Variants in MYO1D observed in about 807,000 individuals in gnomAD.
The protein encoded by MYO1D is myosin ID.
In MYO1D, 83 loss-of-function variants were observed where a neutral mutation model predicts 122.0. The ratio of observed to expected loss-of-function variants is 0.68; its 90% confidence interval spans 0.57 to 0.82. The LOEUF (loss-of-function observed/expected upper bound fraction) is 0.82, where lower values mean the gene tolerates loss of function less well. Among genes scored for constraint, MYO1D ranks in the 40% least tolerant of loss-of-function variants. MYO1D has a pLI of 0.00. For missense variants in MYO1D, 1,157 were observed against 1,269.5 expected (o/e 0.91, Z 1.35); for synonymous variants, 464 against 446.9 (o/e 1.04, Z -0.48).
chr17:32,712,340 C>A, intron 15 of MYO1D, 145 bp from the exon 16 acceptor site: 2 of 711,076 alleles, frequency 2.8e-6, no homozygotes, highest in Non-Finnish European at 2.3e-6. Flanking sequence ...ATAAGGTATG[C>A]AAAAAAGGCT....
chr17:32,814,702 G>A (rs2090599383), intron 1 of MYO1D, among the ~76,000 whole-genome samples: 1 of 152,210 alleles, frequency 6.6e-6, no homozygotes, highest in South Asian at 2.1e-4. Context: ...TGGAATTGCT[G>A]TATCATCTAT....
chr17:32,639,360 ATT>A (rs560119328), intron 19 of MYO1D, among the ~76,000 whole-genome samples: 17,419 of 99,780 alleles, frequency 0.17, 1,415 homozygotes, highest in Admixed American at 0.26. Context: ...ATTGGGAGAA[ATT>A]TTGTGTGTGT....
In MYO1D at chr17:32,876,827, G is replaced by T; in HGVS notation, c.46C>A (p.Leu16Met). 9 of 1,525,504 alleles carry T rather than the reference G, an allele frequency of 5.9e-6. No homozygotes were observed. Among genetic ancestry groups the T allele is most frequent in the African/African-American group, 1.4e-5 (1 of 69,440 alleles). 94.5% of individuals were successfully genotyped at this position (1,525,504 alleles called of 1,614,324 possible). A position where few individuals can be genotyped will look rare whatever the true frequency, so the allele number is the denominator to read the frequency against. The change falls in exon 1 of 22, where the codon CTG (leucine) becomes ATG (methionine). Residue 16 changes from leucine (L) to methionine (M), a missense_variant. Physicochemically the swap from Leu to Met is conservative, Grantham distance 15. Coordinates refer to ENST00000318217, the MANE Select transcript of MYO1D (RefSeq NM_015194.3). ...SLEFGKADFV[L>M]MDTVSMPEFM... ...TCGGGCATGGAGACGGTGTCCATCA[G>T]CACGAAGTCTGCCTTGCCGAATTCC...
rs201343122 is a variant in MYO1D at position 32,833,525 on chromosome 17, AGTCACATCAT to A, written c.95+43243_95+43252del. ...GCCGGAGTAATTCCGTTAACATGTA[AGTCACATCAT>A]GCCATTCCTCTGCTCAAACTCTCCA... On this transcript the variant is annotated intron_variant, in intron 1 of 21. Transcript: ENST00000318217. 5.2e-4 allele frequency among the ~76,000 whole-genome samples: 79 copies of A among 152,266 alleles called. No individual in the cohort carries two copies. In the East Asian group the frequency reaches 6.9e-3, roughly 13 times the overall value.
chr17:32,515,928 C>A (rs549784969), intron 21 of MYO1D, among the ~76,000 whole-genome samples: 1 of 152,268 alleles, frequency 6.6e-6, no homozygotes, highest in African/African-American at 2.4e-5. Context: ...TGTCTCATTG[C>A]GGTAAAAGAG....
intron 14 of MYO1D, among the ~76,000 whole-genome samples, chr17:32,731,534 G>GT (rs2089639027): frequency 6.6e-6 from 1 of 152,120 alleles, no homozygotes; most frequent in Non-Finnish European, 1.5e-5. Flanking sequence ...ATAGTATCTT[G>GT]TAGTGATTCT....
chr17:32,655,070 C>T (rs1027105639), intron 17 of MYO1D, among the ~76,000 whole-genome samples: 4 of 152,232 alleles, frequency 2.6e-5, no homozygotes, highest in Non-Finnish European at 5.9e-5. Context: ...CTCCAAAATA[C>T]ACACAGAAGT....
intron 1 of MYO1D, among the ~76,000 whole-genome samples, chr17:32,849,885 T>C (rs2090971506): frequency 6.6e-6 from 1 of 152,200 alleles, no homozygotes; most frequent in Admixed American, 6.5e-5. Context: ...GACTTTTGTG[T>C]CCCTTCTACA....
At chr17:32,848,355 A>G (rs2090956326) in intron 1 of MYO1D, among the ~76,000 whole-genome samples, 1 of 152,256 alleles carries the variant, frequency 6.6e-6, no homozygotes, top group Admixed American at 6.5e-5. Context: ...GATGTCTGCA[A>G]CTTACTCTCA....
At position 32,704,490 on chromosome 17, in the gene MYO1D, C is replaced by T. The variant is rs142741018; in HGVS notation, c.2121+7498G>A. Among the ~76,000 whole-genome samples the T allele has an allele frequency of 8.6e-3, 1,315 of 152,164 alleles. 13 individuals carry two copies. Among genetic ancestry groups the T allele is most frequent in the Non-Finnish European group, 0.015 (1,019 of 67,998 alleles). On this transcript the variant is annotated intron_variant, in intron 16 of 21. Coordinates refer to ENST00000318217, the MANE Select transcript of MYO1D (RefSeq NM_015194.3). Reference sequence around the variant, plus strand: ...TAAATTGGTACAATCTTTCTAGGGGCCATTTGAAAATGGGTATAGAAAACC... The same window carrying T: ...TAAATTGGTACAATCTTTCTAGGGGTCATTTGAAAATGGGTATAGAAAACC...
chr17:32,701,624 G>A (rs1007991715), intron 16 of MYO1D, among the ~76,000 whole-genome samples: 4 of 152,002 alleles, frequency 2.6e-5, no homozygotes, highest in Admixed American at 6.6e-5. Flanking sequence ...GTTCGGTGGC[G>A]CAATCATGTC....
chr17:32,508,055 C>T (rs1303863806), intron 21 of MYO1D, among the ~76,000 whole-genome samples: 2 of 152,052 alleles, frequency 1.3e-5, no homozygotes, highest in African/African-American at 2.4e-5. Flanking sequence ...TGCCACCATG[C>T]CCAGGCAATT....
intron 20 of MYO1D, among the ~76,000 whole-genome samples, chr17:32,609,650 G>C (rs2087674667): frequency 6.6e-6 from 1 of 152,072 alleles, no homozygotes; most frequent in African/African-American, 2.4e-5. Context: ...GGTTTTTCAA[G>C]TATCATGTAT....
At chr17:32,698,690 A>G (rs1294680114) in intron 16 of MYO1D, among the ~76,000 whole-genome samples, 2 of 152,094 alleles carry the variant, frequency 1.3e-5, no homozygotes, top group African/African-American at 4.8e-5. Flanking sequence ...ACACTATATT[A>G]ATCTTTGAGT....
chr17:32,820,551 C>T (rs1330947471), intron 1 of MYO1D, among the ~76,000 whole-genome samples: 1 of 152,208 alleles, frequency 6.6e-6, no homozygotes, highest in East Asian at 1.9e-4. Context: ...CATGATTTCA[C>T]TTACAATATG....
intron 1 of MYO1D, among the ~76,000 whole-genome samples, chr17:32,869,771 TAAA>T (rs879495256): frequency 6.9e-6 from 1 of 144,598 alleles, no homozygotes; most frequent in African/African-American, 2.5e-5. Flanking sequence ...AGTTCCCAAA[TAAA>T]AAAAAAAAAT....
intron 1 of MYO1D, chr17:32,830,161 AAGATAC>A (rs1243136352): frequency 6.6e-6 from 1 of 152,220 alleles, no homozygotes; most frequent in East Asian, 1.9e-4. Flanking sequence ...CATTTAAATC[AAGATAC>A]TCAGCATTAG....
At chr17:32,787,932 CT>C (rs1421166730) in intron 1 of MYO1D, among the ~76,000 whole-genome samples, 1 of 152,162 alleles carries the variant, frequency 6.6e-6, no homozygotes, top group East Asian at 1.9e-4. Flanking sequence ...TATTTTGTTC[CT>C]TTTTATGGCC....
At chr17:32,542,350 C>T (rs1462254100) in intron 21 of MYO1D, among the ~76,000 whole-genome samples, 3 of 152,154 alleles carry the variant, frequency 2.0e-5, no homozygotes, top group Admixed American at 1.3e-4. Flanking sequence ...TGCTATTGTG[C>T]CTTATCTTAA....
Sources: allele counts gnomAD v4.1 joint callset (sites outside exome capture counted in the v4.1 genomes callset), GRCh38; gene constraint gnomAD v4.1.1; transcripts MANE v1.5; gene names NCBI Gene and HGNC (gene_info 2026-07-23, HGNC 2026-07-21).